The following DOCK1 variants were observed in gnomAD, a reference collection of about 807,000 sequenced individuals.
The protein encoded by DOCK1 is dedicator of cytokinesis 1.
Under a neutral mutation model 262.7 loss-of-function variants are expected in DOCK1, and 138 were observed. That is an observed-to-expected ratio of 0.53 (90% CI 0.46 to 0.61). DOCK1 has a LOEUF of 0.61. Among genes scored for constraint, DOCK1 ranks in the 20% least tolerant of loss-of-function variants. DOCK1 has a pLI of 0.00. For missense variants in DOCK1, 1,908 were observed against 2,370.7 expected (o/e 0.80, Z 4.05); for synonymous variants, 866 against 867.4 (o/e 1.00, Z 0.03).
intron 27 of DOCK1, among the ~76,000 whole-genome samples, chr10:127,154,528 G>A (rs2052844286): frequency 6.6e-6 from 1 of 152,186 alleles, no homozygotes; most frequent in Non-Finnish European, 1.5e-5. Flanking sequence ...AAATTTTTAT[G>A]AAAATACCTA....
chr10:126,951,936 G>A (rs1188763837), intron 1 of DOCK1, among the ~76,000 whole-genome samples: 3 of 148,850 alleles, frequency 2.0e-5, no homozygotes, highest in African/African-American at 5.0e-5. Context: ...TGCAACCTCC[G>A]CCTCCTGGGT....
At chr10:127,235,820 G>A (rs2059028504) in intron 27 of DOCK1, among the ~76,000 whole-genome samples, 1 of 151,500 alleles carries the variant, frequency 6.6e-6, no homozygotes, top group South Asian at 2.1e-4. Context: ...ATTCTAATAG[G>A]TATATAGTTA....
At chr10:127,287,288 G>A (rs879399781) in intron 29 of DOCK1, among the ~76,000 whole-genome samples, 12 of 150,650 alleles carry the variant, frequency 8.0e-5, no homozygotes, top group Non-Finnish European at 1.5e-4. Context: ...CTGCAGCCTC[G>A]AACTCTTGGG....
intron 27 of DOCK1, among the ~76,000 whole-genome samples, chr10:127,209,587 T>G (rs1223275888): frequency 1.3e-5 from 2 of 152,206 alleles, no homozygotes; most frequent in Non-Finnish European, 2.9e-5. Context: ...AGCTGGGTGC[T>G]TAAAGGGCAT....
intron 48 of DOCK1, among the ~76,000 whole-genome samples, chr10:127,433,796 A>G (rs1468969221): frequency 1.3e-5 from 2 of 151,054 alleles, no homozygotes; most frequent in African/African-American, 4.9e-5. Context: ...CCAATCCATA[A>G]ACTCCTTAAA....
At chr10:127,317,434 G>A (rs1007176924) in intron 29 of DOCK1, among the ~76,000 whole-genome samples, 7 of 152,192 alleles carry the variant, frequency 4.6e-5, no homozygotes, top group Non-Finnish European at 8.8e-5. Flanking sequence ...TCATGCAGGT[G>A]ATTTGCAGGT....
At chr10:127,200,796 C>G (rs955629954) in intron 27 of DOCK1, among the ~76,000 whole-genome samples, 1 of 152,216 alleles carries the variant, frequency 6.6e-6, no homozygotes, top group African/African-American at 2.4e-5. Flanking sequence ...TAGTAAACAT[C>G]ACCAGTGTGT....
chr10:127,068,657 T>G (rs2046019463), intron 23 of DOCK1, among the ~76,000 whole-genome samples: 1 of 152,240 alleles, frequency 6.6e-6, no homozygotes, highest in Admixed American at 6.5e-5. Flanking sequence ...ATTACACTGT[T>G]AGCATTTTTG....
chr10:127,012,340 C>A lies in DOCK1; in HGVS notation c.1167C>A (p.Val389=). Residue 389 remains valine, a synonymous_variant, in exon 12 of 52, where the codon GTC becomes GTA. Coordinates refer to ENST00000623213, the MANE Select transcript of DOCK1 (RefSeq NM_001290223.2). The surrounding 1 kb of genome is among the most constrained non-coding windows in gnomAD (Gnocchi z 4.0). ...TCCTTCAGACTGTTATAAACAAAGT[C>A]ATCGCTGCCAAAGAAGTCAACCACA... ...NDFLQTVINK[V]IAAKEVNHKG... 1 of 1,614,004 alleles carries A rather than the reference C, an allele frequency of 6.2e-7. No homozygotes were observed. Among genetic ancestry groups the A allele is most frequent in the Non-Finnish European group, 8.5e-7 (1 of 1,179,884 alleles).
chr10:126,937,379 A>G (rs1275709509), intron 1 of DOCK1, among the ~76,000 whole-genome samples: 2 of 152,148 alleles, frequency 1.3e-5, no homozygotes, highest in Non-Finnish European at 2.9e-5. Context: ...TCATATAGTA[A>G]TTCTATTTTT....
chr10:127,050,854 GCTT>G (rs1259556361), intron 21 of DOCK1, among the ~76,000 whole-genome samples: 1 of 151,902 alleles, frequency 6.6e-6, no homozygotes, highest in East Asian at 1.9e-4. Flanking sequence ...AAAAAATTAA[GCTT>G]CTCACATTCC....
At chr10:126,993,708 A>G (rs1474650650) in intron 6 of DOCK1, among the ~76,000 whole-genome samples, 1 of 152,168 alleles carries the variant, frequency 6.6e-6, no homozygotes, top group East Asian at 1.9e-4. Flanking sequence ...AAGTCTGTTT[A>G]CCCTGATGCT....
At chr10:127,030,818 GTCTCTATCTCTA>G in intron 16 of DOCK1, among the ~76,000 whole-genome samples, 1 of 147,134 alleles carries the variant, frequency 6.8e-6, no homozygotes, top group South Asian at 2.1e-4. Context: ...CTCTGTCTCT[GTCTCTATCTCTA>G]TCTCTGTCTC....
In DOCK1 at chr10:127,437,446, T is replaced by C. The variant is rs2069767004; in HGVS notation, c.5061-1581T>C. 6.6e-6 allele frequency among the ~76,000 whole-genome samples: 1 copy of C among 150,580 alleles called. No homozygotes were observed. Among genetic ancestry groups the C allele is most frequent in the Non-Finnish European group, 1.5e-5 (1 of 67,830 alleles). ...ATGGAAATAATCAACAGTGAGCAAA[T>C]CAATGGGGAGCAAGATTGCTGCAAT... is the stretch of plus-strand genomic sequence containing the variant. On this transcript the variant is annotated intron_variant, in intron 48 of 51. Coordinates refer to ENST00000623213, the MANE Select transcript of DOCK1 (RefSeq NM_001290223.2). This position sits in a 1 kb window ranked among gnomAD's most constrained non-coding sequence, Gnocchi z 4.4.
chr10:127,376,771 A>C (rs1451842156), intron 35 of DOCK1, among the ~76,000 whole-genome samples: 1 of 152,212 alleles, frequency 6.6e-6, no homozygotes. Flanking sequence ...TAGTCTTCCA[A>C]CTTTGATGAT....
At chr10:127,329,632 C>T (rs750906259) in intron 29 of DOCK1, among the ~76,000 whole-genome samples, 2 of 152,052 alleles carry the variant, frequency 1.3e-5, no homozygotes, top group African/African-American at 2.4e-5. Flanking sequence ...CTCGCGGCCT[C>T]CCCCAGCAGT....
At chr10:127,330,894 C>T (rs183430814) in intron 29 of DOCK1, among the ~76,000 whole-genome samples, 2 of 152,292 alleles carry the variant, frequency 1.3e-5, no homozygotes, top group Admixed American at 6.5e-5. Flanking sequence ...ATTAGGATGA[C>T]CCAAGGGTGG....
intron 27 of DOCK1, among the ~76,000 whole-genome samples, chr10:127,155,460 G>A (rs188744483): frequency 4.6e-5 from 7 of 152,120 alleles, no homozygotes; most frequent in Admixed American, 1.3e-4. Context: ...TGTCTCTATC[G>A]TCTTTCCATC....
chr10:127,390,269 C>G (rs1007144176), intron 38 of DOCK1, among the ~76,000 whole-genome samples: 1 of 152,180 alleles, frequency 6.6e-6, no homozygotes, highest in Non-Finnish European at 1.5e-5. Context: ...TGGTAGGACT[C>G]TAACCCTCAC....
Sources: allele counts gnomAD v4.1 joint callset (sites outside exome capture counted in the v4.1 genomes callset), GRCh38; gene constraint gnomAD v4.1.1; non-coding constraint Gnocchi (gnomAD v3.1); transcripts MANE v1.5; gene names NCBI Gene and HGNC (gene_info 2026-07-23, HGNC 2026-07-21).